The following CLCN3 variants were observed in gnomAD, a reference collection of about 807,000 sequenced individuals.
CLCN3 encodes the protein H(+)/Cl(-) exchange transporter 3.
Under a neutral mutation model 83.4 loss-of-function variants are expected in CLCN3, and 16 were observed. That is an observed-to-expected ratio of 0.19 (90% CI 0.13 to 0.29). The LOEUF (loss-of-function observed/expected upper bound fraction) is 0.29, where lower values mean the gene tolerates loss of function less well. CLCN3 is among the 10% of genes least tolerant of loss of function. CLCN3 has a pLI of 1.00. For synonymous variants in CLCN3, 322 were observed against 346.2 expected (o/e 0.93, Z 0.78); for missense variants, 544 against 1,006.0 (o/e 0.54, Z 6.21).
Position 169,722,947 on chromosome 4 carries a change from T to C in CLCN3, c.*2950T>C, listed in dbSNP as rs2150285374. 6.6e-6 allele frequency: 1 copy of C among 152,316 alleles called. No homozygotes were observed. The highest frequency in any genetic ancestry group is 2.4e-5 in the African/African-American group (1 of 41,576). 9.4% of individuals were successfully genotyped at this position (152,316 alleles called of 1,614,324 possible). On this transcript the variant is annotated 3_prime_UTR_variant, in exon 13 of 13. Transcript: ENST00000513761. Reference sequence around the variant, plus strand: ...AATATAATAAGTGTAGCGCCTTGTTTGAATACCCTTTTTGAGAAGGTATGA... The same window carrying C: ...AATATAATAAGTGTAGCGCCTTGTTCGAATACCCTTTTTGAGAAGGTATGA...
chr4:169,633,600 G>A (rs1488189939), intron 1 of CLCN3, among the ~76,000 whole-genome samples: 1 of 152,114 alleles, frequency 6.6e-6, no homozygotes, highest in Non-Finnish European at 1.5e-5. Flanking sequence ...ATATTTTATA[G>A]CAGTGCTGTT....
rs1773095274 is a variant in CLCN3 at position 169,620,917 on chromosome 4, A to G, written c.-163A>G. The G allele has an allele frequency of 5.0e-6, 2 of 398,404 alleles. No individual in the cohort carries two copies. Among genetic ancestry groups the G allele is most frequent in the African/African-American group, 2.1e-5 (1 of 48,592 alleles). The allele number at this position is 398,404 out of a possible 1,614,324, so 24.7% of individuals were successfully genotyped here. On this transcript the variant is annotated 5_prime_UTR_variant, in exon 1 of 13. Coordinates refer to ENST00000513761, the MANE Select transcript of CLCN3 (RefSeq NM_001829.4). ...ACCTCTGCGGTAGAAAACGTCAGGT[A>G]TCTTTTAAATCGCGATAGTTTTCGC...
At position 169,722,554 on chromosome 4, in the gene CLCN3, G is replaced by A. The variant is rs1367801314; in HGVS notation, c.*2557G>A. On this transcript the variant is annotated 3_prime_UTR_variant, in exon 13 of 13. Coordinates refer to ENST00000513761, the MANE Select transcript of CLCN3 (RefSeq NM_001829.4). ...TTGTCCTGAGTTAATAGCCTTCAAAGGACAAATCGGTTTCTTTGCAGATAG... is the reference window on the plus strand; with the variant it reads ...TTGTCCTGAGTTAATAGCCTTCAAAAGACAAATCGGTTTCTTTGCAGATAG... 6.6e-6 allele frequency: 1 copy of A among 152,204 alleles called. No homozygotes were observed. Among genetic ancestry groups the A allele is most frequent in the African/African-American group, 2.4e-5 (1 of 41,444 alleles). The allele number at this position is 152,204 out of a possible 1,614,324, so 9.4% of individuals were successfully genotyped here. A position where few individuals can be genotyped will look rare whatever the true frequency, so the allele number is the denominator to read the frequency against.
At chr4:169,714,821 A>G (rs145025003) in intron 12 of CLCN3, among the ~76,000 whole-genome samples, 2 of 152,292 alleles carry the variant, frequency 1.3e-5, no homozygotes, top group East Asian at 1.9e-4. Context: ...TTAAATTCTA[A>G]TAATTTAGAT....
rs748766343 is a variant in CLCN3 at position 169,688,710 on chromosome 4, ATTAAG to A, written c.419-329_419-325del. On this transcript the variant is annotated intron_variant, in intron 4 of 12. Coordinates refer to ENST00000513761, the MANE Select transcript of CLCN3 (RefSeq NM_001829.4). ...ATTGACATCATTTATAAGTCTGTTA[ATTAAG>A]TTATCGATTGAAAATTAGATTTGTG... Among the ~76,000 whole-genome samples the A allele has an allele frequency of 4.7e-4, 71 of 152,316 alleles. 1 individual carries two copies. The highest frequency in any genetic ancestry group is 4.1e-3 in the South Asian group (20 of 4,826).
intron 3 of CLCN3, among the ~76,000 whole-genome samples, chr4:169,685,514 A>G (rs1003048043): frequency 6.6e-6 from 1 of 152,106 alleles, no homozygotes; most frequent in Admixed American, 6.5e-5. Context: ...TTTTTCCTGT[A>G]TAATGCTAAA....
chr4:169,645,386 A>C lies in CLCN3; in HGVS notation c.160+9298A>C, dbSNP rs1031371302. Among the ~76,000 whole-genome samples the C allele has an allele frequency of 8.5e-5, 13 of 152,230 alleles. 1 individual carries two copies. Among genetic ancestry groups the C allele is most frequent in the Non-Finnish European group, 1.8e-4 (12 of 68,042 alleles). On this transcript the variant is annotated intron_variant, in intron 2 of 12. Transcript: ENST00000513761. The stretch of plus-strand genomic sequence containing the variant: ...CACACAGAAAAAACATTGGAGGAAA[A>C]TACACCAAAATAATGTGCTTTTTCT...
Position 169,666,107 on chromosome 4 carries a change from A to G in CLCN3, c.161-13943A>G, listed in dbSNP as rs188328051. Among the ~76,000 whole-genome samples the G allele has an allele frequency of 2.3e-4, 35 of 152,274 alleles. 1 individual carries two copies. The East Asian group carries it at 6.6e-3, about 29-fold the overall frequency. On this transcript the variant is annotated intron_variant, in intron 2 of 12. Coordinates refer to ENST00000513761, the MANE Select transcript of CLCN3 (RefSeq NM_001829.4). ...TATTTTTCTAGTTCAGTGTTTGTCA[A>G]ACTTCAAGTTTTAACATGTTGATCA...
At chr4:169,656,701 A>G (rs1341648611) in intron 2 of CLCN3, among the ~76,000 whole-genome samples, 3 of 152,182 alleles carry the variant, frequency 2.0e-5, no homozygotes, top group Non-Finnish European at 4.4e-5. Flanking sequence ...CATTCTTTTA[A>G]AAATCTTTTT....
At chr4:169,645,421 A>G (rs1730547802) in intron 2 of CLCN3, among the ~76,000 whole-genome samples, 1 of 152,164 alleles carries the variant, frequency 6.6e-6, no homozygotes, top group Non-Finnish European at 1.5e-5. Flanking sequence ...TTCATGATGG[A>G]ATTTGGGGAT....
intron 9 of CLCN3, among the ~76,000 whole-genome samples, chr4:169,703,147 A>G (rs979483579): frequency 3.9e-5 from 6 of 152,262 alleles, no homozygotes; most frequent in Admixed American, 6.5e-5. Context: ...ATAATAGTGA[A>G]AATTTTCAAA....
rs112313981 is a variant in CLCN3 at position 169,682,409 on chromosome 4, C to G, written c.318+2202C>G. Among the ~76,000 whole-genome samples, 125 of 152,200 alleles carry G rather than the reference C, an allele frequency of 8.2e-4. 1 individual carries two copies. The highest frequency in any genetic ancestry group is 2.7e-3 in the African/African-American group (114 of 41,520). Reference sequence around the variant, plus strand: ...ACACATTTATTTAACTTAAAAATGACAGGATTACTTGGTTTCATTATTGAG... The same window carrying G: ...ACACATTTATTTAACTTAAAAATGAGAGGATTACTTGGTTTCATTATTGAG... On this transcript the variant is annotated intron_variant, in intron 3 of 12. Transcript: ENST00000513761.
chr4:169,653,080 G>A (rs1323343687), intron 2 of CLCN3, among the ~76,000 whole-genome samples: 3 of 152,118 alleles, frequency 2.0e-5, no homozygotes, highest in African/African-American at 4.8e-5. Context: ...GTTGTAATGT[G>A]GTCCTATGTG....
chr4:169,699,755 G>A (rs1732704259), intron 9 of CLCN3, among the ~76,000 whole-genome samples: 2 of 152,116 alleles, frequency 1.3e-5, no homozygotes, highest in Non-Finnish European at 2.9e-5. Flanking sequence ...GGTGGCAGGT[G>A]TCTGTAATCC....
intron 1 of CLCN3, among the ~76,000 whole-genome samples, chr4:169,633,107 G>A (rs573724287): frequency 6.6e-6 from 1 of 152,108 alleles, no homozygotes; most frequent in Non-Finnish European, 1.5e-5. Flanking sequence ...CCGCCTCTCT[G>A]GCTCAAGCGA....
At chr4:169,644,555 C>G (rs766976183) in intron 2 of CLCN3, among the ~76,000 whole-genome samples, 1 of 152,118 alleles carries the variant, frequency 6.6e-6, no homozygotes, top group African/African-American at 2.4e-5. Context: ...ACAACAAGTT[C>G]TAGTAAATTT....
intron 4 of CLCN3, among the ~76,000 whole-genome samples, chr4:169,688,297 C>T (rs2150247159): frequency 6.6e-6 from 1 of 152,314 alleles, no homozygotes; most frequent in South Asian, 2.1e-4. Context: ...CCCTTCATCA[C>T]CCTGCTATAC....
intron 11 of CLCN3, among the ~76,000 whole-genome samples, chr4:169,710,327 C>T (rs1733160582): frequency 1.3e-5 from 2 of 152,154 alleles, no homozygotes; most frequent in African/African-American, 2.4e-5. Context: ...TGCAGTGGCA[C>T]GATCTTGGCT....
intron 2 of CLCN3, among the ~76,000 whole-genome samples, chr4:169,655,542 C>T (rs922836089): frequency 1.3e-5 from 2 of 152,132 alleles, no homozygotes; most frequent in African/African-American, 4.8e-5. Flanking sequence ...TTGCCCAGGC[C>T]AAAGTGCAGT....
Sources: allele counts gnomAD v4.1 joint callset (sites outside exome capture counted in the v4.1 genomes callset), GRCh38; gene constraint gnomAD v4.1.1; transcripts MANE v1.5; gene names NCBI Gene and HGNC (gene_info 2026-07-23, HGNC 2026-07-21).